NUDT17: variants seen among roughly 807,000 people sequenced by gnomAD.
The protein encoded by NUDT17 is nudix hydrolase 17.
A neutral mutation model predicts 38.6 loss-of-function variants in NUDT17; 38 were observed. That is an observed-to-expected ratio of 0.98 (90% CI 0.76 to 1.29). The LOEUF (loss-of-function observed/expected upper bound fraction) is 1.29. NUDT17 is among the 50% of genes most tolerant of loss of function. NUDT17 has a pLI of 0.00. For synonymous variants in NUDT17, 192 were observed against 167.8 expected, an observed-to-expected ratio of 1.14 and a Z score of -1.11; for missense variants, 462 against 415.2, an observed-to-expected ratio of 1.11 and a Z score of -0.98.
At chr1:145,847,993 A>C (rs1410644216) in intron 6 of NUDT17, 119 bp from the exon 7 acceptor site, 1 of 1,190,668 alleles carries the variant, frequency 8.4e-7, no homozygotes, top group African/African-American at 1.5e-5. Flanking sequence ...TCCTTTCTGC[A>C]AATGAGGTCA....
chr1:145,847,862 C>A, intron 6 of NUDT17, 143 bp downstream of exon 6: 1 of 899,916 alleles, frequency 1.1e-6, no homozygotes, highest in Non-Finnish European at 1.7e-6. Flanking sequence ...TAAGAAGGTA[C>A]ATGAAATCTA....
intron 4 of NUDT17, among the ~76,000 whole-genome samples, chr1:145,846,987 T>C (rs1461118021): frequency 1.3e-5 from 2 of 152,142 alleles, no homozygotes; most frequent in African/African-American, 2.4e-5. Flanking sequence ...AGGTCAGAAG[T>C]TTGAGACCAG....
At position 145,847,662 on chromosome 1, in the gene NUDT17, C is replaced by G. The variant is rs2101672884; in HGVS notation, c.674C>G (p.Ala225Gly). 6.2e-7 allele frequency: 1 copy of G among 1,614,098 alleles called. No homozygotes were observed. Among genetic ancestry groups the G allele is most frequent in the Non-Finnish European group, 8.5e-7 (1 of 1,180,000 alleles). The change falls in exon 6 of 8, where the codon GCA becomes GGA. Residue 225 changes from alanine (A) to glycine (G), a missense_variant. By Grantham distance (60) the Ala-to-Gly change is moderately conservative. Coordinates refer to ENST00000334513, the MANE Select transcript of NUDT17 (RefSeq NM_001012758.3). Reference protein sequence around the residue: ...TPDVAAAVAAAEDGTETPGLL... With the variant: ...TPDVAAAVAAGEDGTETPGLL... The stretch of plus-strand genomic sequence containing the variant: ...GATGTAGCTGCTGCAGTGGCTGCCG[C>G]AGAGGATGGGACAGAGACACCCGGA...
At position 145,846,026 on chromosome 1, in the gene NUDT17, G is replaced by A. The variant is rs1481532114; in HGVS notation, c.206G>A (p.Cys69Tyr). The A allele has an allele frequency of 5.0e-6, 8 of 1,602,488 alleles. No individual in the cohort carries two copies. In the Admixed American group the frequency reaches 7.0e-5, roughly 14 times the overall value. ...TCCTTCTGCCAGCGACCCCCTTTCT[G>A]CCCTTTTGCGGCCCTGGAGGAGCGG... Reference protein sequence around the residue: ...ARLPLQRPPFCPFAALEERPR... With the variant: ...ARLPLQRPPFYPFAALEERPR... Residue 69 changes from cysteine to tyrosine, a missense_variant, in exon 2 of 8, where the codon TGC (cysteine) becomes TAC (tyrosine). Transcript: ENST00000334513.
Position 145,848,558 on chromosome 1 carries a change from C to T in NUDT17, c.*79C>T. The stretch of plus-strand genomic sequence containing the variant: ...ACCTTTATTATGGGTGAGAGCTTCA[C>T]TACAACTTTAGAAATAAAAAGTAAA... On this transcript the variant is annotated 3_prime_UTR_variant, in exon 8 of 8. Transcript: ENST00000334513. 2 of 985,438 alleles carry T rather than the reference C, an allele frequency of 2.0e-6. No individual in the cohort carries two copies. The highest frequency in any genetic ancestry group is 3.1e-6 in the Non-Finnish European group (2 of 638,938). 61.0% of individuals were successfully genotyped at this position (985,438 alleles called of 1,614,324 possible). A position where few individuals can be genotyped will look rare whatever the true frequency, so the allele number is the denominator to read the frequency against.
At chr1:145,847,100 T>C (rs1652732273) in intron 4 of NUDT17, 150 bp from the exon 5 acceptor site, 1 of 577,076 alleles carries the variant, frequency 1.7e-6, no homozygotes, top group African/African-American at 1.9e-5. Flanking sequence ...AGGCTGAGGC[T>C]GGAGAATTGC....
rs1257828569 is a variant in NUDT17 at position 145,847,349 on chromosome 1, G to C, written c.594+1G>C. On this transcript the variant is annotated splice_donor_variant, in intron 5 of 7. Coordinates refer to ENST00000334513, the MANE Select transcript of NUDT17 (RefSeq NM_001012758.3). LOFTEE classifies it high-confidence loss of function. ...CCAGGAATCACAGCAGCAGTTGCAGGTAGGGCTGGCAGTGAGGGAAGGAAA... is the reference window on the plus strand; with the variant it reads ...CCAGGAATCACAGCAGCAGTTGCAGCTAGGGCTGGCAGTGAGGGAAGGAAA... 1.3e-6 allele frequency: 2 copies of C among 1,577,180 alleles called. No individual in the cohort carries two copies. The highest frequency in any genetic ancestry group is 2.7e-5 in the African/African-American group (2 of 74,102).
chr1:145,846,570 C>G, intron 3 of NUDT17, 28 bp from the exon 4 acceptor site: 1 of 1,609,482 alleles, frequency 6.2e-7, no homozygotes, highest in Non-Finnish European at 8.5e-7. Context: ...GGCACTGGCC[C>G]CTCTGATGTG....
At position 145,847,834 on chromosome 1, in the gene NUDT17, A is replaced by C. The variant is rs185260341; in HGVS notation, c.731+115A>C. On this transcript the variant is annotated intron_variant, in intron 6 of 7. Transcript: ENST00000334513. ...TGTGTTGTGGGGGAGATTTAAGGAG[A>C]GTGGGTCAGCTGATAATTAAGAAGG... The C allele has an allele frequency of 2.3e-4, 246 of 1,074,090 alleles. 1 individual carries two copies. The African/African-American group carries it at 3.2e-3, about 14-fold the overall frequency. The allele number at this position is 1,074,090 out of a possible 1,614,324, so 66.5% of individuals were successfully genotyped here. A position where few individuals can be genotyped will look rare whatever the true frequency, so the allele number is the denominator to read the frequency against.
chr1:145,847,178 G>A, intron 4 of NUDT17, 72 bp from the exon 5 acceptor site: 1 of 874,848 alleles, frequency 1.1e-6, no homozygotes, highest in South Asian at 1.6e-5. Context: ...TGGGCGACAA[G>A]AGCGAAACTC....
intron 3 of NUDT17, 30 bp downstream of exon 3, chr1:145,846,488 A>G: frequency 6.2e-7 from 1 of 1,610,820 alleles, no homozygotes; most frequent in Non-Finnish European, 8.5e-7. Context: ...AACCTGAGCC[A>G]AGAGACCCAT....
rs868946439 is a variant in NUDT17 at position 145,845,776 on chromosome 1, C to T, written c.136C>T (p.Arg46Trp). ...CATTCACTGCAGCTTGAAGCGAGGA[C>T]GGCTTGTCCTCTCGAGCAGGCCCTT... The part of the protein sequence containing the change: ...WPIHCSLKRG[R>W]LVLSSRPFPG... Residue 46 changes from arginine (R) to tryptophan (W), a missense_variant, in exon 1 of 8, where the codon CGG becomes TGG. Coordinates refer to ENST00000334513, the MANE Select transcript of NUDT17 (RefSeq NM_001012758.3). 5 of 1,590,070 alleles carry T rather than the reference C, an allele frequency of 3.1e-6. No individual in the cohort carries two copies. The highest frequency in any genetic ancestry group is 4.6e-5 in the East Asian group (2 of 43,774).
Position 145,845,998 on chromosome 1 carries a change from G to C in NUDT17, c.193-15G>C, listed in dbSNP as rs782498501. On this transcript the variant is annotated splice_polypyrimidine_tract_variant and intron_variant, in intron 1 of 7. Coordinates refer to ENST00000334513, the MANE Select transcript of NUDT17 (RefSeq NM_001012758.3). ...CCCTTCTGAAGCCTTAACCCAGCTGGCTTCCTTCTGCCAGCGACCCCCTTT... is the reference window on the plus strand; with the variant it reads ...CCCTTCTGAAGCCTTAACCCAGCTGCCTTCCTTCTGCCAGCGACCCCCTTT... 1.9e-6 allele frequency: 3 copies of C among 1,589,796 alleles called. No individual in the cohort carries two copies. The highest frequency in any genetic ancestry group is 2.6e-6 in the Non-Finnish European group (3 of 1,168,706).
At chr1:145,846,525 G>C (rs1462446353) in intron 3 of NUDT17, 67 bp downstream of exon 3, 3 of 1,604,908 alleles carry the variant, frequency 1.9e-6, no homozygotes, top group Non-Finnish European at 2.6e-6. Flanking sequence ...GGTGTGGGCT[G>C]AGGGAGAGGC....
rs1553732134 is a variant in NUDT17, at chr1:145,845,785, C to T, written c.145C>T (p.Leu49Phe). The change falls in exon 1 of 8, where the codon CTC becomes TTC. Residue 49 changes from leucine (L) to phenylalanine (F), a missense_variant. Physicochemically the swap from Leu to Phe is conservative, Grantham distance 22 (BLOSUM62 0). Coordinates refer to ENST00000334513, the MANE Select transcript of NUDT17 (RefSeq NM_001012758.3). Reference sequence around the variant, plus strand: ...CAGCTTGAAGCGAGGACGGCTTGTCCTCTCGAGCAGGCCCTTCCCAGGCGC... The same window carrying T: ...CAGCTTGAAGCGAGGACGGCTTGTCTTCTCGAGCAGGCCCTTCCCAGGCGC... The part of the protein sequence containing the change: ...HCSLKRGRLV[L>F]SSRPFPGASA... The T allele has an allele frequency of 2.5e-6, 4 of 1,594,670 alleles. No homozygotes were observed. The highest frequency in any genetic ancestry group is 2.3e-5 in the East Asian group (1 of 44,022).
At chr1:145,847,136 G>A (rs1553732705) in intron 4 of NUDT17, 114 bp from the exon 5 acceptor site, 2 of 633,010 alleles carry the variant, frequency 3.2e-6, no homozygotes, top group East Asian at 5.6e-5. Flanking sequence ...AGAGGTTGCA[G>A]TGAGCCAAGA....
Position 145,846,035 on chromosome 1 carries a change from C to T in NUDT17, c.215C>T (p.Ala72Val), listed in dbSNP as rs868979228. Residue 72 changes from alanine to valine, a missense_variant, in exon 2 of 8, where the codon GCG (alanine) becomes GTG (valine). Ala to Val is a moderately conservative substitution (Grantham distance 64). Coordinates refer to ENST00000334513, the MANE Select transcript of NUDT17 (RefSeq NM_001012758.3). ...PLQRPPFCPF[A>V]ALEERPRVPG... ...CAGCGACCCCCTTTCTGCCCTTTTG[C>T]GGCCCTGGAGGAGCGGCCCAGGGTC... The T allele has an allele frequency of 1.2e-6, 2 of 1,602,870 alleles. No homozygotes were observed. Among genetic ancestry groups the T allele is most frequent in the South Asian group, 1.1e-5 (1 of 89,090 alleles).
Position 145,848,257 on chromosome 1 carries a change from C to G in NUDT17, c.877C>G (p.Leu293Val), listed in dbSNP as rs782599696. The G allele has an allele frequency of 6.2e-7, 1 of 1,614,176 alleles. No individual in the cohort carries two copies. The change falls in exon 7 of 8, where the codon CTG (leucine) becomes GTG (valine). Residue 293 changes from leucine (L) to valine (V), a missense_variant. Leu to Val is a conservative substitution (Grantham distance 32). Coordinates refer to ENST00000334513, the MANE Select transcript of NUDT17 (RefSeq NM_001012758.3). ...TGCCCTCAAGCTCTGGCTGCAACAT[C>G]TGGGCAGGTAAAAGTGAAAAAGGAC... ...KFALKLWLQH[L>V]GRTPPPCKSA...
rs782328085 is a variant in NUDT17, at chr1:145,846,049, C to G, written c.229C>G (p.Arg77Gly). ...PFCPFAALEE[R>G]PRVPGAELPT... ...CTGCCCTTTTGCGGCCCTGGAGGAG[C>G]GGCCCAGGGTCCCTGGGGCTGAGCT... The change falls in exon 2 of 8, where the codon CGG becomes GGG. Residue 77 changes from arginine to glycine, a missense_variant. Arg to Gly is a moderately radical substitution (Grantham distance 125). Transcript: ENST00000334513. The G allele has an allele frequency of 9.3e-6, 15 of 1,604,410 alleles. No homozygotes were observed. The highest frequency in any genetic ancestry group is 1.3e-5 in the Non-Finnish European group (15 of 1,176,356).
Sources: allele counts gnomAD v4.1 joint callset (sites outside exome capture counted in the v4.1 genomes callset), GRCh38; gene constraint gnomAD v4.1.1; transcripts MANE v1.5; gene names NCBI Gene and HGNC (gene_info 2026-07-23, HGNC 2026-07-21).